Variants in PCA3 observed in about 807,000 individuals in gnomAD.
PCA3 encodes the protein prostate cancer associated 3.
intron 2 of PCA3, among the ~76,000 whole-genome samples, chr9:76,772,365 T>C (rs1338241431): frequency 1.3e-5 from 2 of 152,102 alleles, no homozygotes; most frequent in Admixed American, 6.6e-5. Flanking sequence ...GCAATAGTCA[T>C]TTTGGGGGCT....
chr9:76,774,452 T>TTTTTTATTTATTTATTTATTTA lies in PCA3; in HGVS notation n.853-34126_853-34125insATTTATTTATTTATTTATTTTT, dbSNP rs1404326650. Among the ~76,000 whole-genome samples the TTTTTTATTTATTTATTTATTTA allele has an allele frequency of 8.8e-3, 948 of 107,156 alleles. 30 individuals carry two copies. The highest frequency in any genetic ancestry group is 0.031 in the East Asian group (109 of 3,520). The allele number at this position is 107,156 out of a possible 152,430, so 70.3% of individuals were successfully genotyped here. ...CGTTCCTGGCCTCCAGTTCAACCCT[T>TTTTTTATTTATTTATTTATTTA]TTTTTTTTTTTTTTTTTTTTTTTTT... On this transcript the variant is annotated intron_variant and non_coding_transcript_variant, in intron 2 of 5. Transcript: ENST00000644657.
intron 2 of PCA3, among the ~76,000 whole-genome samples, chr9:76,769,111 TC>T (rs1352628586): frequency 6.6e-6 from 1 of 152,228 alleles, no homozygotes; most frequent in East Asian, 1.9e-4. Context: ...ATTCTTAGAA[TC>T]TTTCATTATG....
chr9:76,770,520 A>G (rs760302984), intron 2 of PCA3, among the ~76,000 whole-genome samples: 49 of 152,220 alleles, frequency 3.2e-4, no homozygotes, highest in Non-Finnish European at 6.0e-4. Flanking sequence ...TGAAATTGAC[A>G]TTCATCTAAA....
intron 2 of PCA3, among the ~76,000 whole-genome samples, chr9:76,774,455 T>TTTATTTATTTATTTATTTTTA (rs1564272539): frequency 7.5e-6 from 1 of 133,314 alleles, no homozygotes; most frequent in African/African-American, 2.8e-5. Flanking sequence ...CAACCCTTTT[T>TTTATTTATTTATTTATTTTTA]TTTTTTTTTT....
intron 2 of PCA3, among the ~76,000 whole-genome samples, chr9:76,775,501 A>G (rs888054287): frequency 6.6e-6 from 1 of 151,858 alleles, no homozygotes; most frequent in Non-Finnish European, 1.5e-5. Context: ...GGATCTCGCT[A>G]TGCTGCCCAG....
intron 2 of PCA3, among the ~76,000 whole-genome samples, chr9:76,769,589 C>T (rs1440963189): frequency 6.6e-6 from 1 of 152,144 alleles, no homozygotes; most frequent in Non-Finnish European, 1.5e-5. Flanking sequence ...CCATGTCCGG[C>T]TAATTTTCTA....
At chr9:76,780,278 T>C (rs559178914) in intron 2 of PCA3, among the ~76,000 whole-genome samples, 17 of 152,134 alleles carry the variant, frequency 1.1e-4, no homozygotes, top group South Asian at 6.3e-4. Flanking sequence ...CCCCCAACAA[T>C]TGAGAATTGA....
chr9:76,773,402 T>G (rs1049638893), intron 2 of PCA3, among the ~76,000 whole-genome samples: 5 of 152,022 alleles, frequency 3.3e-5, no homozygotes, highest in African/African-American at 1.2e-4. Flanking sequence ...TGTAATACAT[T>G]CATCCCGCAG....
intron 2 of PCA3, among the ~76,000 whole-genome samples, chr9:76,776,512 TTTTTTC>T (rs1487244339): frequency 4.1e-5 from 6 of 147,350 alleles, no homozygotes; most frequent in African/African-American, 1.3e-4. Context: ...TTTTTTTTTC[TTTTTTC>T]TTTTTTTTTT....
rs149142419 is a variant in PCA3 at position 76,780,364 on chromosome 9, G to A, written n.853-28219G>A. On this transcript the variant is annotated intron_variant and non_coding_transcript_variant, in intron 2 of 5. Transcript: ENST00000644657. ...TGAAGACAAGTTGAGAGACCATTTA[G>A]TCTGGCCACCTGTATCCAAGATTCA... 1.1e-4 allele frequency among the ~76,000 whole-genome samples: 17 copies of A among 152,208 alleles called. No homozygotes were observed. The East Asian group carries it at 3.3e-3, about 30-fold the overall frequency.
chr9:76,774,462 T>TTA (rs764639915), intron 2 of PCA3, among the ~76,000 whole-genome samples: 1 of 104,252 alleles, frequency 9.6e-6, no homozygotes, highest in Non-Finnish European at 2.2e-5. Flanking sequence ...TTTTTTTTTT[T>TTA]TTTTTTTTTT....
At chr9:76,780,450 G>A (rs2054249848) in intron 2 of PCA3, among the ~76,000 whole-genome samples, 1 of 152,128 alleles carries the variant, frequency 6.6e-6, no homozygotes, top group African/African-American at 2.4e-5. Context: ...CACTTTGGGA[G>A]GCCGAGGCGG....
intron 2 of PCA3, among the ~76,000 whole-genome samples, chr9:76,767,190 G>A (rs985369432): frequency 2.6e-5 from 4 of 152,138 alleles, no homozygotes; most frequent in African/African-American, 7.2e-5. Flanking sequence ...TGTGGGTCAC[G>A]CCTGTAATCC....
intron 2 of PCA3, among the ~76,000 whole-genome samples, chr9:76,768,625 A>G (rs113459925): frequency 0.019 from 2,330 of 124,890 alleles, 17 homozygotes; most frequent in African/African-American, 0.023. Context: ...GTGTGTGTGT[A>G]TATCCCTGCT....
chr9:76,768,269 T>A (rs1227242505), intron 2 of PCA3, among the ~76,000 whole-genome samples: 3 of 152,148 alleles, frequency 2.0e-5, no homozygotes, highest in African/African-American at 7.2e-5. Flanking sequence ...CTCAGCTCAC[T>A]GCAACCTCCG....
intron 2 of PCA3, among the ~76,000 whole-genome samples, chr9:76,780,524 A>T (rs74621465): frequency 0.031 from 4,620 of 150,448 alleles, 216 homozygotes; most frequent in African/African-American, 0.1. Flanking sequence ...TGTTTCTAAT[A>T]AAAAAAAATA....
At chr9:76,778,278 C>G (rs1296449088) in intron 2 of PCA3, 2 of 152,180 alleles carry the variant, frequency 1.3e-5, no homozygotes, top group African/African-American at 2.4e-5. Context: ...CTAGAGACAG[C>G]CAGCATTCTC....
intron 2 of PCA3, among the ~76,000 whole-genome samples, chr9:76,782,357 T>C (rs1300559174): frequency 6.6e-6 from 1 of 152,176 alleles, no homozygotes; most frequent in African/African-American, 2.4e-5. Flanking sequence ...GCATTTTTGA[T>C]AATTTCTGAG....
At chr9:76,769,270 T>C (rs560475813) in intron 2 of PCA3, among the ~76,000 whole-genome samples, 35 of 152,366 alleles carry the variant, frequency 2.3e-4, no homozygotes, top group African/African-American at 8.4e-4. Context: ...AAACAATTTT[T>C]TACTTCAATA....
Sources: gnomAD v4.1 joint callset for allele counts (sites outside exome capture counted in the v4.1 genomes callset) on GRCh38, gnomAD v4.1.1 for gene constraint, MANE v1.5 for transcripts, NCBI Gene and HGNC (gene_info 2026-07-23, HGNC 2026-07-21) for gene names.